RPS6KA2: variants seen among roughly 807,000 people sequenced by gnomAD.
The protein encoded by RPS6KA2 is ribosomal protein S6 kinase alpha-2.
RPS6KA2 carries 42 observed loss-of-function variants against 91.8 expected under a neutral mutation model. That is an observed-to-expected ratio of 0.46 (90% CI 0.36 to 0.59). The LOEUF (loss-of-function observed/expected upper bound fraction) is 0.59. Ranked by LOEUF, RPS6KA2 falls within the 20% of genes least tolerant of loss-of-function variation. The probability of loss-of-function intolerance (pLI) is 0.00; values close to 1 mark genes in which losing one functional copy is unlikely to be tolerated. For missense variants in RPS6KA2, 798 were observed against 978.5 expected, an observed-to-expected ratio of 0.82 and a Z score of 2.46; for synonymous variants, 414 against 393.6, an observed-to-expected ratio of 1.05 and a Z score of -0.61.
At chr6:166,801,241 A>G (rs772497587) in intron 2 of RPS6KA2, among the ~76,000 whole-genome samples, 1 of 152,276 alleles carries the variant, frequency 6.6e-6, no homozygotes, top group African/African-American at 2.4e-5. Context: ...AACATAAAAC[A>G]TAAAGATAGT....
At chr6:166,711,791 AGAG>A (rs386708509) in intron 2 of RPS6KA2, among the ~76,000 whole-genome samples, 2 of 151,434 alleles carry the variant, frequency 1.3e-5, no homozygotes, top group Admixed American at 1.3e-4. Context: ...AGAAAGAGAG[AGAG>A]AGAGAGAGAC....
chr6:166,552,076 C>T (rs563005009), intron 1 of RPS6KA2, among the ~76,000 whole-genome samples: 3 of 152,300 alleles, frequency 2.0e-5, no homozygotes, highest in East Asian at 1.9e-4. Flanking sequence ...GGATTTCACC[C>T]GCCTAGAGAT....
Position 166,696,321 on chromosome 6 carries a change from C to T in RPS6KA2, c.124-157537G>A, listed in dbSNP as rs1052213541. On this transcript the variant is annotated intron_variant, in intron 2 of 21. Coordinates refer to the RPS6KA2 transcript ENST00000503859. ...GAAATGAGAGATGGGAGATGCTCAT[C>T]GGAAACCTGAATAGGTAGATGGAAA... Among the ~76,000 whole-genome samples, 12 of 152,238 alleles carry T rather than the reference C, an allele frequency of 7.9e-5. No individual in the cohort carries two copies. In the South Asian group the frequency reaches 8.3e-4, roughly 11 times the overall value.
chr6:166,568,459 C>CA (rs3837030), intron 1 of RPS6KA2, among the ~76,000 whole-genome samples: 13 of 151,328 alleles, frequency 8.6e-5, no homozygotes, highest in African/African-American at 2.7e-4. Flanking sequence ...ACTAAAGATA[C>CA]AAAAAAAATT....
At chr6:166,451,364 TG>T in intron 12 of RPS6KA2, 131 bp from the exon 13 acceptor site, 1 of 864,870 alleles carries the variant, frequency 1.2e-6, no homozygotes, top group African/African-American at 1.8e-5. Flanking sequence ...TGTGTGCACG[TG>T]GCGTATGCCT....
intron 2 of RPS6KA2, among the ~76,000 whole-genome samples, chr6:166,796,381 G>A (rs1231514898): frequency 1.3e-5 from 2 of 152,148 alleles, no homozygotes; most frequent in Non-Finnish European, 2.9e-5. Context: ...ACGAGGTCAA[G>A]AGATAGAGAC....
Position 166,435,314 on chromosome 6 carries a change from A to G in RPS6KA2, c.1333-2824T>C, listed in dbSNP as rs924552108. On this transcript the variant is annotated intron_variant, in intron 14 of 20. Coordinates refer to ENST00000265678, the MANE Select transcript of RPS6KA2 (RefSeq NM_021135.6). The surrounding 1 kb of genome is among the most constrained non-coding windows in gnomAD (Gnocchi z 4.3). Reference sequence around the variant, plus strand: ...TTGCTTACTTTAAAAACTATCTTAAATTGTAATAAAAGCTAGCATGTATGT... The same window carrying G: ...TTGCTTACTTTAAAAACTATCTTAAGTTGTAATAAAAGCTAGCATGTATGT... Among the ~76,000 whole-genome samples, 26 of 152,202 alleles carry G rather than the reference A, an allele frequency of 1.7e-4. No individual in the cohort carries two copies. Among genetic ancestry groups the G allele is most frequent in the Admixed American group, 6.5e-5 (1 of 15,284 alleles).
chr6:166,471,511 A>ACTCT (rs1391294865), intron 10 of RPS6KA2, among the ~76,000 whole-genome samples: 1 of 152,050 alleles, frequency 6.6e-6, no homozygotes, highest in East Asian at 1.9e-4. Flanking sequence ...CTCTCACAGC[A>ACTCT]CTCTCAGCTT....
chr6:166,853,310 C>A lies in RPS6KA2; in HGVS notation c.123+4890G>T, dbSNP rs193087131. 3.9e-5 allele frequency among the ~76,000 whole-genome samples: 6 copies of A among 152,316 alleles called. No individual in the cohort carries two copies. The East Asian group carries it at 7.7e-4, about 20-fold the overall frequency. ...ACTAATTAAATTCATGCAACAAATT[C>A]TAATATTTTTCAAAGGCTGTTCTGT... On this transcript the variant is annotated intron_variant, in intron 2 of 21. Coordinates refer to the RPS6KA2 transcript ENST00000503859.
chr6:166,738,290 C>A (rs7754793), intron 2 of RPS6KA2, among the ~76,000 whole-genome samples: 1 of 152,040 alleles, frequency 6.6e-6, no homozygotes, highest in African/African-American at 2.4e-5. Context: ...CATTTGGAAA[C>A]CCATCCAGTG....
At chr6:166,778,042 G>A (rs1778672216) in intron 2 of RPS6KA2, among the ~76,000 whole-genome samples, 1 of 152,168 alleles carries the variant, frequency 6.6e-6, no homozygotes, top group Non-Finnish European at 1.5e-5. Context: ...CAAAAAGGAC[G>A]ATTTTTTCTG....
At chr6:166,787,973 T>TAAAA (rs1238407907) in intron 2 of RPS6KA2, among the ~76,000 whole-genome samples, 1 of 27,292 alleles carries the variant, frequency 3.7e-5, no homozygotes, top group Non-Finnish European at 7.7e-5. Context: ...TAAACAAATT[T>TAAAA]ACAAAAAAAA....
At chr6:166,621,165 C>A (rs115694049) in intron 1 of RPS6KA2, among the ~76,000 whole-genome samples, 2 of 150,558 alleles carry the variant, frequency 1.3e-5, no homozygotes, top group Non-Finnish European at 2.9e-5. Flanking sequence ...TCTCCAGGAA[C>A]GCATGCAAAT....
chr6:166,769,493 T>C (rs1778407504), intron 2 of RPS6KA2, among the ~76,000 whole-genome samples: 2 of 152,176 alleles, frequency 1.3e-5, no homozygotes, highest in Non-Finnish European at 2.9e-5. Flanking sequence ...GATTCAGGCA[T>C]TTGCTTAACC....
chr6:166,840,561 A>T (rs990303247), intron 2 of RPS6KA2, among the ~76,000 whole-genome samples: 1 of 152,200 alleles, frequency 6.6e-6, no homozygotes, highest in Non-Finnish European at 1.5e-5. Flanking sequence ...CAGCACTCTG[A>T]GGATATGCAA....
At chr6:166,431,207 C>T (rs747658995) in intron 15 of RPS6KA2, among the ~76,000 whole-genome samples, 1 of 151,988 alleles carries the variant, frequency 6.6e-6, no homozygotes, top group South Asian at 2.1e-4. Context: ...GGATTACAGG[C>T]GTGAGCCATA....
chr6:166,756,137 A>G (rs1165694353), intron 2 of RPS6KA2, among the ~76,000 whole-genome samples: 1 of 152,142 alleles, frequency 6.6e-6, no homozygotes, highest in African/African-American at 2.4e-5. Flanking sequence ...AAAAATACAA[A>G]AAATTAGCCA....
At chr6:166,486,370 T>C (rs545019740) in intron 10 of RPS6KA2, among the ~76,000 whole-genome samples, 135 of 152,248 alleles carry the variant, frequency 8.9e-4, no homozygotes, top group Non-Finnish European at 1.6e-3. Flanking sequence ...TGGTCCTGAG[T>C]GCTCTCCATC....
chr6:166,469,084 C>T (rs1013060129), intron 11 of RPS6KA2, among the ~76,000 whole-genome samples: 8 of 152,214 alleles, frequency 5.3e-5, no homozygotes, highest in African/African-American at 1.9e-4. Context: ...ATGGAAGGAA[C>T]AGCCTCCGAG....
Sources: allele counts gnomAD v4.1 joint callset (sites outside exome capture counted in the v4.1 genomes callset), GRCh38; gene constraint gnomAD v4.1.1; non-coding constraint Gnocchi (gnomAD v3.1); transcripts MANE v1.5; gene names NCBI Gene and HGNC (gene_info 2026-07-23, HGNC 2026-07-21).